The following ITSN1 variants were observed in gnomAD, a reference collection of about 807,000 sequenced individuals.
ITSN1 encodes the protein intersectin-1.
Under a neutral mutation model 239.8 loss-of-function variants are expected in ITSN1, and 58 were observed. That is an observed-to-expected ratio of 0.24 (90% CI 0.20 to 0.30). ITSN1 has a LOEUF of 0.30. Ranked by LOEUF, ITSN1 falls within the 10% of genes least tolerant of loss-of-function variation. The probability of loss-of-function intolerance (pLI) is 1.00; values close to 1 mark genes in which losing one functional copy is unlikely to be tolerated. For synonymous variants in ITSN1, 780 were observed against 770.8 expected (o/e 1.01, Z -0.20); for missense variants, 1,558 against 2,103.3 (o/e 0.74, Z 5.07).
At chr21:33,822,157 A>G (rs930780807) in intron 24 of ITSN1, among the ~76,000 whole-genome samples, 4 of 152,242 alleles carry the variant, frequency 2.6e-5, no homozygotes, top group African/African-American at 9.6e-5. Flanking sequence ...TGACAGGTCA[A>G]CACTGGCGCT....
chr21:33,724,983 C>T (rs2065732359), intron 4 of ITSN1, among the ~76,000 whole-genome samples: 1 of 151,374 alleles, frequency 6.6e-6, no homozygotes. Context: ...AAAAAAGTGA[C>T]ATTTGGCTGG....
Position 33,832,428 on chromosome 21 carries a change from G to C in ITSN1, c.3352-1879G>C, listed in dbSNP as rs551625432. On this transcript the variant is annotated intron_variant, in intron 27 of 39. Coordinates refer to ENST00000381318, the MANE Select transcript of ITSN1 (RefSeq NM_003024.3). ...TTGGAGGCAGCAGCCGTATTTTTCA[G>C]TCCCCACACCTCTAGCACTGTGCTT... Among the ~76,000 whole-genome samples, 3 of 152,320 alleles carry C rather than the reference G, an allele frequency of 2.0e-5. No homozygotes were observed. In the East Asian group the frequency reaches 5.8e-4, roughly 29 times the overall value.
intron 24 of ITSN1, among the ~76,000 whole-genome samples, chr21:33,823,231 G>A (rs574715921): frequency 6.6e-6 from 1 of 152,300 alleles, no homozygotes; most frequent in South Asian, 2.1e-4. Flanking sequence ...CGGTAAACAT[G>A]CAGTTGGGTT....
rs1203556699 is a variant in ITSN1, at chr21:33,822,357, T to A, written c.3017-1130T>A. On this transcript the variant is annotated intron_variant, in intron 24 of 39. Coordinates refer to ENST00000381318, the MANE Select transcript of ITSN1 (RefSeq NM_003024.3). ...GAGGCTCGACATTAAAGGAACATCA[T>A]CTGAGGTTTAGAGAGAAACATACAT... is the stretch of plus-strand genomic sequence containing the variant. Among the ~76,000 whole-genome samples the A allele has an allele frequency of 3.9e-5, 6 of 152,322 alleles. No homozygotes were observed. In the South Asian group the frequency reaches 1.2e-3, roughly 32 times the overall value.
intron 16 of ITSN1, among the ~76,000 whole-genome samples, chr21:33,793,267 C>T (rs1487915976): frequency 6.6e-6 from 1 of 152,160 alleles, no homozygotes; most frequent in Non-Finnish European, 1.5e-5. Flanking sequence ...ACCTGCCCAT[C>T]TAGTCTTGCC....
chr21:33,665,897 G>A (rs2089898599), intron 1 of ITSN1, among the ~76,000 whole-genome samples: 1 of 150,812 alleles, frequency 6.6e-6, no homozygotes, highest in African/African-American at 2.4e-5. Flanking sequence ...TTGAAAACAT[G>A]CTAAGTGAAA....
chr21:33,666,098 C>CT (rs972536243), intron 1 of ITSN1, among the ~76,000 whole-genome samples: 1 of 152,010 alleles, frequency 6.6e-6, no homozygotes, highest in Non-Finnish European at 1.5e-5. Context: ...CCAGCTAATT[C>CT]TTTTGCATTT....
intron 4 of ITSN1, among the ~76,000 whole-genome samples, chr21:33,733,677 A>G (rs2066325575): frequency 6.6e-6 from 1 of 152,194 alleles, no homozygotes; most frequent in Admixed American, 6.5e-5. Context: ...AGTTCATAGA[A>G]GTGCAAATCC....
chr21:33,646,180 A>G (rs573723559), intron 1 of ITSN1, among the ~76,000 whole-genome samples: 138 of 152,348 alleles, frequency 9.1e-4, no homozygotes, highest in Middle Eastern at 3.4e-3. Flanking sequence ...AGCCACAAGC[A>G]CTATACCCCA....
Position 33,742,446 on chromosome 21 carries a change from G to A in ITSN1, c.346+7242G>A, listed in dbSNP as rs145749549. On this transcript the variant is annotated intron_variant, in intron 5 of 39. Transcript: ENST00000381318. ...TGTGTACATTTGTAACAGTGCAGGA[G>A]GAAGAGGGAAGAATTAGGGTACCTG... is the stretch of plus-strand genomic sequence containing the variant. 1.8e-3 allele frequency among the ~76,000 whole-genome samples: 276 copies of A among 152,308 alleles called. 1 individual carries two copies. Among genetic ancestry groups the A allele is most frequent in the African/African-American group, 6.5e-3 (270 of 41,566 alleles).
intron 33 of ITSN1, among the ~76,000 whole-genome samples, chr21:33,869,116 G>T (rs952636169): frequency 6.6e-6 from 1 of 152,124 alleles, no homozygotes; most frequent in African/African-American, 2.4e-5. Flanking sequence ...GTAATGCTAC[G>T]ACCTGTCTTC....
At chr21:33,774,495 A>G in intron 12 of ITSN1, 3 of 351,378 alleles carry the variant, frequency 8.5e-6, no homozygotes, top group Middle Eastern at 7.8e-4. Context: ...TAATCCTGTC[A>G]TCTTACGTAA....
intron 5 of ITSN1, among the ~76,000 whole-genome samples, chr21:33,738,589 AC>A (rs2066647502): frequency 6.6e-6 from 1 of 152,034 alleles, no homozygotes; most frequent in Non-Finnish European, 1.5e-5. Context: ...TTTAGTAGCG[AC>A]GGGGTTTCAC....
chr21:33,722,661 A>G lies in ITSN1; in HGVS notation c.185+10A>G. On this transcript the variant is annotated intron_variant, in intron 4 of 39. Transcript: ENST00000381318. ...TTTTAGCACAGATATGGTAAGTTGG[A>G]ATTTTACATGAAATTTTACATAAGC... 1 of 1,553,004 alleles carries G rather than the reference A, an allele frequency of 6.4e-7. No individual in the cohort carries two copies.
chr21:33,677,696 C>T (rs138912961), intron 1 of ITSN1, among the ~76,000 whole-genome samples: 3 of 152,258 alleles, frequency 2.0e-5, no homozygotes, highest in East Asian at 1.9e-4. Context: ...AGTCCTTTCT[C>T]GTCTTAGTAA....
intron 33 of ITSN1, among the ~76,000 whole-genome samples, chr21:33,867,722 A>G (rs868838338): frequency 2.6e-5 from 4 of 151,916 alleles, no homozygotes; most frequent in Admixed American, 6.5e-5. Flanking sequence ...ATGAAGCCGC[A>G]GACCCTCGCG....
In ITSN1 at chr21:33,720,870, G is replaced by T. The variant is rs377250616; in HGVS notation, c.29-308G>T. ...AATTTAGTCTGTTGCTTGGGTTTAT[G>T]TAAGTAAATTATTAATTTACTATAA... On this transcript the variant is annotated intron_variant, in intron 2 of 39. Transcript: ENST00000381318. 4.6e-5 allele frequency among the ~76,000 whole-genome samples: 7 copies of T among 152,214 alleles called. No homozygotes were observed. In the South Asian group the frequency reaches 1.0e-3, roughly 23 times the overall value.
In ITSN1 at chr21:33,850,312, G is replaced by A. The variant is rs1375690436; in HGVS notation, c.3662-6424G>A. Among the ~76,000 whole-genome samples the A allele has an allele frequency of 2.6e-5, 4 of 152,198 alleles. No individual in the cohort carries two copies. The South Asian group carries it at 6.2e-4, about 24-fold the overall frequency. On this transcript the variant is annotated intron_variant, in intron 29 of 39. Transcript: ENST00000381318. ...GACCCAGCTACATGGGGCAAGATGT[G>A]TCACCAGGACAGGCTGGGTGGGATA...
At chr21:33,861,710 G>A (rs1980563580) in intron 31 of ITSN1, among the ~76,000 whole-genome samples, 2 of 152,136 alleles carry the variant, frequency 1.3e-5, no homozygotes, top group Admixed American at 1.3e-4. Flanking sequence ...ACTTTGGGAG[G>A]CCGAGGCGGG....
Sources: allele counts gnomAD v4.1 joint callset (sites outside exome capture counted in the v4.1 genomes callset), GRCh38; gene constraint gnomAD v4.1.1; transcripts MANE v1.5; gene names NCBI Gene and HGNC (gene_info 2026-07-23, HGNC 2026-07-21).